KCNU1: variants seen among roughly 807,000 people sequenced by gnomAD.
The protein encoded by KCNU1 is potassium calcium-activated channel subfamily U member 1.
A neutral mutation model predicts 126.8 loss-of-function variants in KCNU1; 93 were observed. The ratio of observed to expected loss-of-function variants is 0.73; its 90% confidence interval spans 0.62 to 0.87. KCNU1 has a LOEUF of 0.87. KCNU1 is among the 40% of genes least tolerant of loss of function. The pLI is 0.00. For synonymous variants in KCNU1, 523 were observed against 494.2 expected (o/e 1.06, Z -0.77); for missense variants, 1,330 against 1,367.1 (o/e 0.97, Z 0.43).
chr8:36,892,033 C>G (rs1806981742), intron 19 of KCNU1, among the ~76,000 whole-genome samples: 1 of 152,054 alleles, frequency 6.6e-6, no homozygotes, highest in African/African-American at 2.4e-5. Flanking sequence ...TGTCCATTAT[C>G]TAAGTACTCT....
rs534946233 is a variant in KCNU1, at chr8:36,802,096, G to A, written c.316-1931G>A. Among the ~76,000 whole-genome samples, 93 of 99,644 alleles carry A rather than the reference G, an allele frequency of 9.3e-4. 1 individual carries two copies. Among genetic ancestry groups the A allele is most frequent in the African/African-American group, 3.7e-3 (92 of 24,820 alleles). 65.4% of individuals were successfully genotyped at this position (99,644 alleles called of 152,430 possible). On this transcript the variant is annotated intron_variant, in intron 2 of 26. Transcript: ENST00000399881. ...TGCACTGCAGCCTGGGGAAAAGAGCGAAACTCCGTCTCAAAAAAAAAAAAA... is the reference window on the plus strand; with the variant it reads ...TGCACTGCAGCCTGGGGAAAAGAGCAAAACTCCGTCTCAAAAAAAAAAAAA...
chr8:36,825,031 G>T (rs35358801), intron 10 of KCNU1, among the ~76,000 whole-genome samples: 16,143 of 152,162 alleles, frequency 0.11, 1,166 homozygotes, highest in Non-Finnish European at 0.16. Context: ...ACTGTCAGTT[G>T]TCCGAAATGA....
At chr8:36,904,205 T>C (rs565374483) in intron 19 of KCNU1, among the ~76,000 whole-genome samples, 1 of 152,282 alleles carries the variant, frequency 6.6e-6, no homozygotes, top group South Asian at 2.1e-4. Flanking sequence ...TCTCAGTGGC[T>C]GCACAAGAAA....
chr8:36,826,230 GA>G (rs1439991932), intron 10 of KCNU1, among the ~76,000 whole-genome samples: 3 of 150,346 alleles, frequency 2.0e-5, no homozygotes, highest in Non-Finnish European at 4.4e-5. Flanking sequence ...TATTTTTTGA[GA>G]CAGGGTCTTG....
intron 18 of KCNU1, among the ~76,000 whole-genome samples, chr8:36,852,665 C>T (rs1023037769): frequency 6.6e-6 from 1 of 152,042 alleles, no homozygotes. Flanking sequence ...TATGAGTATA[C>T]ATCTGATCAT....
intron 24 of KCNU1, among the ~76,000 whole-genome samples, chr8:36,930,135 G>A (rs1177104820): frequency 6.6e-6 from 1 of 151,896 alleles, no homozygotes; most frequent in African/African-American, 2.4e-5. Flanking sequence ...TAAAATGAAG[G>A]ATGAAAAATT....
At chr8:36,803,907 A>G in intron 2 of KCNU1, 120 bp from the exon 3 acceptor site, 1 of 713,832 alleles carries the variant, frequency 1.4e-6, no homozygotes, top group Non-Finnish European at 2.5e-6. Context: ...AACATAAGTG[A>G]ATATGTGAAT....
chr8:36,908,719 G>C (rs1807738956), intron 20 of KCNU1, among the ~76,000 whole-genome samples: 1 of 151,962 alleles, frequency 6.6e-6, no homozygotes, highest in South Asian at 2.1e-4. Context: ...GAATTTCCTT[G>C]ATGCAGGAGT....
intron 19 of KCNU1, among the ~76,000 whole-genome samples, chr8:36,898,221 G>T (rs142131914): frequency 6.6e-6 from 1 of 152,032 alleles, no homozygotes; most frequent in African/African-American, 2.4e-5. Context: ...CTAGAGAAAA[G>T]ACATTAAAAT....
At chr8:36,917,083 G>A (rs569901141) in intron 22 of KCNU1, among the ~76,000 whole-genome samples, 1 of 152,188 alleles carries the variant, frequency 6.6e-6, no homozygotes, top group African/African-American at 2.4e-5. Context: ...CCTTAGCACA[G>A]AGCTCAACTG....
chr8:36,836,783 T>C lies in KCNU1; in HGVS notation c.1366-10T>C, dbSNP rs1804764465. 1.2e-6 allele frequency: 2 copies of C among 1,613,414 alleles called. No homozygotes were observed. The highest frequency in any genetic ancestry group is 1.7e-6 in the Non-Finnish European group (2 of 1,179,430). On this transcript the variant is annotated splice_polypyrimidine_tract_variant and intron_variant, in intron 13 of 26. Transcript: ENST00000399881. ...TCCTAATGTTTGACCTGCTTTGTGC[T>C]ATGGAACAGGTTTATCTGCCAAAGA...
At chr8:36,830,846 G>T (rs1235709612) in intron 10 of KCNU1, among the ~76,000 whole-genome samples, 38 of 149,660 alleles carry the variant, frequency 2.5e-4, no homozygotes, top group African/African-American at 2.5e-4. Flanking sequence ...CCATGCTGGT[G>T]CGCTGCACCC....
At chr8:36,913,069 G>C (rs1807950468) in intron 22 of KCNU1, among the ~76,000 whole-genome samples, 1 of 151,628 alleles carries the variant, frequency 6.6e-6, no homozygotes, top group Admixed American at 6.6e-5. Context: ...TGATGGTCTA[G>C]GTGAATAGTT....
intron 19 of KCNU1, among the ~76,000 whole-genome samples, chr8:36,878,774 A>G (rs1276237367): frequency 2.7e-5 from 4 of 148,972 alleles, no homozygotes; most frequent in South Asian, 2.1e-4. Flanking sequence ...TATTTTATAT[A>G]TATAAAATAT....
At chr8:36,908,451 C>G (rs1807723329) in intron 20 of KCNU1, among the ~76,000 whole-genome samples, 1 of 151,706 alleles carries the variant, frequency 6.6e-6, no homozygotes, top group Admixed American at 6.6e-5. Context: ...ACATATGTGC[C>G]ATGTTGGTGT....
intron 18 of KCNU1, among the ~76,000 whole-genome samples, chr8:36,848,580 G>A (rs189383015): frequency 3.3e-5 from 5 of 152,212 alleles, no homozygotes; most frequent in South Asian, 2.1e-4. Context: ...TTGGCCTAAC[G>A]TCATTTTAGT....
intron 9 of KCNU1, among the ~76,000 whole-genome samples, chr8:36,816,592 G>T (rs1803921865): frequency 6.6e-6 from 1 of 152,178 alleles, no homozygotes; most frequent in Admixed American, 6.5e-5. Context: ...GGCCTCATTT[G>T]TCTCAGGAAA....
chr8:36,868,962 C>G (rs1190162069), intron 19 of KCNU1, among the ~76,000 whole-genome samples: 4 of 152,108 alleles, frequency 2.6e-5, no homozygotes, highest in African/African-American at 9.7e-5. Context: ...TTTACCTTGG[C>G]CATTCCACTT....
chr8:36,821,706 A>G (rs1290050852), intron 10 of KCNU1, among the ~76,000 whole-genome samples: 1 of 152,134 alleles, frequency 6.6e-6, no homozygotes, highest in African/African-American at 2.4e-5. Flanking sequence ...CTGGTTTATG[A>G]TGCTTTGACT....
Sources: allele counts gnomAD v4.1 joint callset (sites outside exome capture counted in the v4.1 genomes callset), GRCh38; gene constraint gnomAD v4.1.1; transcripts MANE v1.5; gene names NCBI Gene and HGNC (gene_info 2026-07-23, HGNC 2026-07-21).